DCC: variants seen among roughly 807,000 people sequenced by gnomAD.
DCC encodes the protein DCC netrin 1 receptor.
DCC carries 58 observed loss-of-function variants against 172.5 expected under a neutral mutation model. That is an observed-to-expected ratio of 0.34 (90% CI 0.27 to 0.42). The LOEUF is 0.42. DCC is among the 10% of genes least tolerant of loss of function. The pLI, the probability that DCC is intolerant of heterozygous loss-of-function variation, is 1.00. For synonymous variants in DCC, 709 were observed against 644.5 expected (o/e 1.10, Z -1.52); for missense variants, 1,740 against 1,791.0 (o/e 0.97, Z 0.51).
chr18:52,989,691 T>C (rs2041352325), intron 5 of DCC, among the ~76,000 whole-genome samples: 1 of 152,160 alleles, frequency 6.6e-6, no homozygotes, highest in Non-Finnish European at 1.5e-5. Flanking sequence ...ACACCATTTC[T>C]CCCTTCCCTG....
chr18:53,161,661 C>A (rs930526057), intron 8 of DCC, among the ~76,000 whole-genome samples: 3 of 152,188 alleles, frequency 2.0e-5, no homozygotes, highest in Non-Finnish European at 2.9e-5. Flanking sequence ...TATGCTTCAA[C>A]CCCAATTCCT....
At chr18:53,389,455 C>G (rs977426960) in intron 16 of DCC, among the ~76,000 whole-genome samples, 17 of 152,118 alleles carry the variant, frequency 1.1e-4, no homozygotes, top group African/African-American at 3.9e-4. Flanking sequence ...GCATCAGACA[C>G]TAGGTTTTTA....
chr18:52,459,883 A>ATATC (rs1491497938), intron 1 of DCC, among the ~76,000 whole-genome samples: 1 of 20,846 alleles, frequency 4.8e-5, no homozygotes, highest in Non-Finnish European at 1.2e-4. Flanking sequence ...CATAGTATTC[A>ATATC]TATATATATA....
intron 1 of DCC, among the ~76,000 whole-genome samples, chr18:52,560,041 T>C (rs932388433): frequency 7.2e-5 from 11 of 152,190 alleles, no homozygotes; most frequent in Non-Finnish European, 1.0e-4. Context: ...GCCCCACCAT[T>C]TTTATTAGCA....
chr18:53,306,953 G>A (rs750832581), intron 13 of DCC, among the ~76,000 whole-genome samples: 54 of 152,288 alleles, frequency 3.5e-4, no homozygotes, highest in South Asian at 8.3e-4. Flanking sequence ...ACCATTGCAA[G>A]TGAGAAAAAA....
chr18:53,296,569 G>C (rs2144760695), intron 12 of DCC, among the ~76,000 whole-genome samples: 1 of 152,224 alleles, frequency 6.6e-6, no homozygotes, highest in South Asian at 2.1e-4. Context: ...GTAGAGGCTG[G>C]GGCGCCAGTT....
chr18:52,341,136 A>G (rs982102670), intron 1 of DCC, among the ~76,000 whole-genome samples: 1 of 151,968 alleles, frequency 6.6e-6, no homozygotes, highest in African/African-American at 2.4e-5. Flanking sequence ...TGCTTCTGCA[A>G]ATACTTGGGT....
intron 1 of DCC, among the ~76,000 whole-genome samples, chr18:52,567,985 G>A (rs1477598417): frequency 6.6e-6 from 1 of 152,096 alleles, no homozygotes; most frequent in East Asian, 1.9e-4. Context: ...TCTGACTAAA[G>A]TCTGTAGTTT....
chr18:52,724,289 G>A (rs184771683), intron 1 of DCC, among the ~76,000 whole-genome samples: 272 of 152,146 alleles, frequency 1.8e-3, no homozygotes, highest in Non-Finnish European at 3.1e-3. Flanking sequence ...TGAGACTACA[G>A]TTATGTGCCA....
At chr18:52,678,565 A>C (rs1309105820) in intron 1 of DCC, among the ~76,000 whole-genome samples, 1 of 152,152 alleles carries the variant, frequency 6.6e-6, no homozygotes, top group Admixed American at 6.6e-5. Flanking sequence ...TCGACATGTA[A>C]GAAGCTTAAA....
At chr18:53,029,243 A>G (rs541316698) in intron 5 of DCC, among the ~76,000 whole-genome samples, 1 of 152,178 alleles carries the variant, frequency 6.6e-6, no homozygotes, top group Non-Finnish European at 1.5e-5. Flanking sequence ...TGAACAAGGA[A>G]ACACAGATAT....
At chr18:52,932,657 G>A (rs1461910821) in intron 5 of DCC, among the ~76,000 whole-genome samples, 1 of 152,108 alleles carries the variant, frequency 6.6e-6, no homozygotes, top group African/African-American at 2.4e-5. Context: ...AATGTGTTAA[G>A]TAGAGTTCTC....
intron 1 of DCC, among the ~76,000 whole-genome samples, chr18:52,590,687 T>C (rs1216352902): frequency 6.6e-6 from 1 of 152,234 alleles, no homozygotes; most frequent in Non-Finnish European, 1.5e-5. Flanking sequence ...TCATCAACCA[T>C]CCATGTGGTC....
chr18:52,838,962 A>G (rs1006855659), intron 2 of DCC, among the ~76,000 whole-genome samples: 1 of 152,228 alleles, frequency 6.6e-6, no homozygotes, highest in African/African-American at 2.4e-5. Flanking sequence ...GCTTGAGTAA[A>G]GATGGAAATC....
At chr18:52,528,581 A>T (rs2032051799) in intron 1 of DCC, among the ~76,000 whole-genome samples, 1 of 152,080 alleles carries the variant, frequency 6.6e-6, no homozygotes, top group Non-Finnish European at 1.5e-5. Flanking sequence ...GCATTTTAAG[A>T]TCCATCAGCC....
At chr18:53,408,472 G>A (rs1437807635) in intron 19 of DCC, among the ~76,000 whole-genome samples, 1 of 152,206 alleles carries the variant, frequency 6.6e-6, no homozygotes, top group Non-Finnish European at 1.5e-5. Context: ...CTTCATCAAA[G>A]GCGAAAGAAG....
At chr18:53,112,749 T>C (rs547901053) in intron 7 of DCC, among the ~76,000 whole-genome samples, 1 of 151,562 alleles carries the variant, frequency 6.6e-6, no homozygotes, top group Non-Finnish European at 1.5e-5. Flanking sequence ...TGGGGTAGAA[T>C]TGGATATTAT....
chr18:53,096,342 A>T (rs1218944662), intron 7 of DCC, among the ~76,000 whole-genome samples: 1 of 152,128 alleles, frequency 6.6e-6, no homozygotes, highest in Admixed American at 6.6e-5. Context: ...GTAGCTAAAA[A>T]AGAATAAAAA....
At chr18:53,138,245 A>T (rs1414838651) in intron 7 of DCC, among the ~76,000 whole-genome samples, 1 of 152,080 alleles carries the variant, frequency 6.6e-6, no homozygotes, top group Non-Finnish European at 1.5e-5. Context: ...GCCATGAAGG[A>T]GTTAATGTGC....
Sources: gnomAD v4.1 joint callset for allele counts (sites outside exome capture counted in the v4.1 genomes callset) on GRCh38, gnomAD v4.1.1 for gene constraint, MANE v1.5 for transcripts, NCBI Gene and HGNC (gene_info 2026-07-23, HGNC 2026-07-21) for gene names.